MAPK14: variants seen among roughly 807,000 people sequenced by gnomAD.
MAPK14 encodes CSAID-binding protein.
A neutral mutation model predicts 49.6 loss-of-function variants in MAPK14; 16 were observed. The observed-to-expected ratio is 0.32, with a 90% CI of 0.22 to 0.49. MAPK14 has a LOEUF of 0.49. Ranked by LOEUF, MAPK14 falls within the 20% of genes least tolerant of loss-of-function variation. The probability of loss-of-function intolerance (pLI) is 0.99; values close to 1 mark genes in which losing one functional copy is unlikely to be tolerated. For synonymous variants in MAPK14, 142 were observed against 158.0 expected (o/e 0.90, Z 0.76); for missense variants, 200 against 441.2 (o/e 0.45, Z 4.90).
chr6:36,036,518 G>A (rs1201830987), intron 1 of MAPK14, among the ~76,000 whole-genome samples: 3 of 151,016 alleles, frequency 2.0e-5, no homozygotes, highest in South Asian at 4.2e-4. Flanking sequence ...AATCTATCAC[G>A]AAAGGAAGAA....
At chr6:36,033,196 T>A (rs1217025324) in intron 1 of MAPK14, among the ~76,000 whole-genome samples, 1 of 152,214 alleles carries the variant, frequency 6.6e-6, no homozygotes, top group Non-Finnish European at 1.5e-5. Context: ...TGCCAGTCAA[T>A]AAGAAGTCTT....
intron 8 of MAPK14, among the ~76,000 whole-genome samples, chr6:36,082,166 A>C (rs919850707): frequency 1.3e-5 from 2 of 152,200 alleles, no homozygotes; most frequent in African/African-American, 2.4e-5. Flanking sequence ...TGTCATCTGC[A>C]AACAGAGATA....
intron 3 of MAPK14, among the ~76,000 whole-genome samples, chr6:36,061,190 T>G (rs1763808665): frequency 6.6e-6 from 1 of 152,214 alleles, no homozygotes; most frequent in Non-Finnish European, 1.5e-5. Context: ...CTGAGCTGTA[T>G]CCCAAAATTT....
At chr6:36,121,631 C>T in the MAPK14 span, among the ~76,000 whole-genome samples, 3 of 152,250 alleles carry the variant, frequency 2.0e-5, no homozygotes, top group Admixed American at 1.3e-4. Flanking sequence ...CTCGGGCTGA[C>T]AGTGACAGTG....
chr6:36,068,843 C>T (rs1764162035), intron 3 of MAPK14, among the ~76,000 whole-genome samples: 1 of 152,144 alleles, frequency 6.6e-6, no homozygotes, highest in African/African-American at 2.4e-5. Context: ...TGACAGAGTT[C>T]TTCCTTCTTG....
intron 3 of MAPK14, among the ~76,000 whole-genome samples, chr6:36,067,408 C>A (rs1273626992): frequency 6.6e-6 from 1 of 152,138 alleles, no homozygotes; most frequent in Non-Finnish European, 1.5e-5. Flanking sequence ...GTCTTTCCCA[C>A]TGCTGCATCC....
rs540476745 is a variant in MAPK14, at chr6:36,047,450, C to A, written c.117-5249C>A. On this transcript the variant is annotated intron_variant, in intron 1 of 11. Coordinates refer to ENST00000229794, the MANE Select transcript of MAPK14 (RefSeq NM_139012.3). ...GGAATAATCAGTGGTGACCAGATCACCTGGGCCTTGTAGGCCATCATGAGA... is the reference window on the plus strand; with the variant it reads ...GGAATAATCAGTGGTGACCAGATCAACTGGGCCTTGTAGGCCATCATGAGA... Among the ~76,000 whole-genome samples, 7 of 152,304 alleles carry A rather than the reference C, an allele frequency of 4.6e-5. No individual in the cohort carries two copies. In the South Asian group the frequency reaches 1.5e-3, roughly 32 times the overall value.
At chr6:36,086,863 C>T (rs759922313) in intron 8 of MAPK14, among the ~76,000 whole-genome samples, 3 of 152,224 alleles carry the variant, frequency 2.0e-5, no homozygotes, top group African/African-American at 4.8e-5. Flanking sequence ...AGGCCAATAT[C>T]CCTGATGAAC....
At chr6:36,096,299 G>T in intron 9 of MAPK14, 1 of 429,236 alleles carries the variant, frequency 2.3e-6, no homozygotes. Context: ...TAAGATCACG[G>T]GAGCCTCCAT....
chr6:36,113,343 TAAAAAAAAAAA>T (rs35876911), downstream of MAPK14, among the ~76,000 whole-genome samples: 5 of 71,754 alleles, frequency 7.0e-5, no homozygotes, highest in African/African-American at 1.8e-4. Context: ...CCCTGTCTCA[TAAAAAAAAAAA>T]AAAAAAAAAA....
chr6:36,068,525 T>C (rs1764148259), intron 3 of MAPK14, among the ~76,000 whole-genome samples: 2 of 152,214 alleles, frequency 1.3e-5, no homozygotes, highest in South Asian at 4.1e-4. Flanking sequence ...TTACAAATTG[T>C]CAATCCCTGT....
At chr6:36,097,277 G>A (rs1309571299) in intron 9 of MAPK14, 2 of 152,224 alleles carry the variant, frequency 1.3e-5, no homozygotes, top group East Asian at 3.8e-4. Context: ...ACTGAATCAC[G>A]TGGCAGAGCT....
At chr6:36,093,911 G>C (rs531789183) in intron 8 of MAPK14, among the ~76,000 whole-genome samples, 2 of 152,226 alleles carry the variant, frequency 1.3e-5, no homozygotes, top group African/African-American at 2.4e-5. Flanking sequence ...TTATCTTGTG[G>C]TGGCTACCCA....
chr6:36,030,804 G>GT (rs34423733), intron 1 of MAPK14, among the ~76,000 whole-genome samples: 2,098 of 151,866 alleles, frequency 0.014, 60 homozygotes, highest in African/African-American at 0.047. Flanking sequence ...CAGAGAGGCA[G>GT]TTTTTTTTAT....
At chr6:36,052,663 T>C (rs1270780671) in intron 1 of MAPK14, 36 bp from the exon 2 acceptor site, 1 of 1,577,700 alleles carries the variant, frequency 6.3e-7, no homozygotes. Flanking sequence ...TAGAACAGCT[T>C]TTTAATGGTG....
chr6:36,050,177 G>GAGA (rs537223266), intron 1 of MAPK14, among the ~76,000 whole-genome samples: 10 of 152,306 alleles, frequency 6.6e-5, no homozygotes, highest in Admixed American at 6.5e-4. Context: ...TTAAGTGGTT[G>GAGA]AGATTACCCA....
At chr6:36,092,522 A>G in intron 8 of MAPK14, 1 of 521,112 alleles carries the variant, frequency 1.9e-6, no homozygotes. Context: ...CCCAAGTTCC[A>G]GTTTTACCAA....
intron 8 of MAPK14, among the ~76,000 whole-genome samples, chr6:36,077,925 C>T (rs1345043516): frequency 6.6e-6 from 1 of 152,168 alleles, no homozygotes; most frequent in Non-Finnish European, 1.5e-5. Context: ...CTCAGAGTCC[C>T]ATCCTTGCTT....
the MAPK14 span, among the ~76,000 whole-genome samples, chr6:36,118,576 G>A: frequency 1.4e-4 from 22 of 152,298 alleles, 1 homozygote; most frequent in African/African-American, 4.6e-4. Flanking sequence ...GGGTTACCTC[G>A]ACCTGATCAG....
Sources: gnomAD v4.1 joint callset for allele counts (sites outside exome capture counted in the v4.1 genomes callset) on GRCh38, gnomAD v4.1.1 for gene constraint, MANE v1.5 for transcripts, NCBI Gene and HGNC (gene_info 2026-07-23, HGNC 2026-07-21) for gene names.